EPHA3: variants seen among roughly 807,000 people sequenced by gnomAD.
The protein encoded by EPHA3 is EPH receptor A3.
EPHA3 carries 42 observed loss-of-function variants against 107.1 expected under a neutral mutation model. The observed-to-expected ratio is 0.39, with a 90% CI of 0.31 to 0.51. The LOEUF is 0.51. Ranked by LOEUF, EPHA3 falls within the 20% of genes least tolerant of loss-of-function variation. The probability of loss-of-function intolerance (pLI) is 0.78; values close to 1 mark genes in which losing one functional copy is unlikely to be tolerated. For synonymous variants in EPHA3, 461 were observed against 424.8 expected, an observed-to-expected ratio of 1.09 and a Z score of -1.05; for missense variants, 1,183 against 1,211.2, an observed-to-expected ratio of 0.98 and a Z score of 0.35.
At chr3:89,296,479 CT>C (rs1194835786) in intron 3 of EPHA3, among the ~76,000 whole-genome samples, 3 of 152,074 alleles carry the variant, frequency 2.0e-5, no homozygotes, top group Non-Finnish European at 4.4e-5. Context: ...TGAAAGAAAT[CT>C]TTTTTTGAGC....
At chr3:89,204,514 CA>C (rs1428328068) in intron 2 of EPHA3, among the ~76,000 whole-genome samples, 1 of 89,808 alleles carries the variant, frequency 1.1e-5, no homozygotes, top group Non-Finnish European at 3.0e-5. Context: ...ACACCCCAAA[CA>C]AAAAAACAAT....
intron 2 of EPHA3, among the ~76,000 whole-genome samples, chr3:89,168,617 T>C (rs1482505380): frequency 6.6e-6 from 1 of 151,908 alleles, no homozygotes; most frequent in African/African-American, 2.4e-5. Flanking sequence ...TTTAGTATAT[T>C]ATATCAAAAC....
chr3:89,199,532 C>T (rs773735070), intron 2 of EPHA3, among the ~76,000 whole-genome samples: 23 of 152,082 alleles, frequency 1.5e-4, no homozygotes, highest in East Asian at 5.8e-4. Flanking sequence ...ATATCTGTTT[C>T]GAGTCAATGC....
intron 5 of EPHA3, among the ~76,000 whole-genome samples, chr3:89,353,424 T>C (rs1707875802): frequency 6.6e-6 from 1 of 151,452 alleles, no homozygotes; most frequent in South Asian, 2.1e-4. Context: ...CATTTTATGA[T>C]TAATGAAACC....
chr3:89,413,085 A>G, intron 9 of EPHA3, 56 bp from the exon 10 acceptor site: 3 of 1,602,862 alleles, frequency 1.9e-6, no homozygotes, highest in Non-Finnish European at 1.7e-6. Flanking sequence ...AATTTGATCT[A>G]TAATTGTTTG....
chr3:89,398,891 C>T (rs1013065716), intron 6 of EPHA3, among the ~76,000 whole-genome samples: 8 of 151,952 alleles, frequency 5.3e-5, no homozygotes, highest in South Asian at 2.1e-4. Flanking sequence ...GCACTTTGGG[C>T]GGCCGAGGCA....
chr3:89,175,814 A>G (rs1410768762), intron 2 of EPHA3, among the ~76,000 whole-genome samples: 1 of 152,086 alleles, frequency 6.6e-6, no homozygotes, highest in Non-Finnish European at 1.5e-5. Context: ...TGGTACCCTT[A>G]GCATTGAAAA....
chr3:89,305,095 T>C (rs895531522), intron 3 of EPHA3, among the ~76,000 whole-genome samples: 2 of 152,220 alleles, frequency 1.3e-5, no homozygotes, highest in Admixed American at 6.5e-5. Flanking sequence ...GAATATCTCC[T>C]GCATTCGGAA....
intron 3 of EPHA3, among the ~76,000 whole-genome samples, chr3:89,253,862 C>T (rs1705218931): frequency 6.6e-6 from 1 of 151,684 alleles, no homozygotes; most frequent in Admixed American, 6.6e-5. Context: ...TTATGGGAAG[C>T]TCATGATCTT....
chr3:89,399,874 AT>A (rs1051407576), intron 7 of EPHA3: 48 of 1,072,374 alleles, frequency 4.5e-5, no homozygotes, highest in African/African-American at 6.5e-5. Context: ...GAGAATCTTA[AT>A]TTTGTTTTAA....
At chr3:89,310,156 C>T (rs764269970) in intron 3 of EPHA3, among the ~76,000 whole-genome samples, 32 of 152,110 alleles carry the variant, frequency 2.1e-4, no homozygotes, top group Middle Eastern at 3.4e-3. Flanking sequence ...ACCTGTATAG[C>T]CCTTTGAGCA....
intron 3 of EPHA3, among the ~76,000 whole-genome samples, chr3:89,275,119 G>A (rs1705773997): frequency 6.6e-6 from 1 of 152,008 alleles, no homozygotes; most frequent in Non-Finnish European, 1.5e-5. Flanking sequence ...TCAAGGCTGA[G>A]TGATTCCAAA....
chr3:89,359,063 A>G (rs1385319246), intron 5 of EPHA3, among the ~76,000 whole-genome samples: 2 of 151,184 alleles, frequency 1.3e-5, no homozygotes, highest in Non-Finnish European at 1.5e-5. Flanking sequence ...TTGGAATTAA[A>G]TATTCTAGTT....
rs961192215 is a variant in EPHA3 at position 89,450,107 on chromosome 3, C to T, written c.2497-70C>T. The T allele has an allele frequency of 2.2e-5, 29 of 1,295,056 alleles. No individual in the cohort carries two copies. The African/African-American group carries it at 4.0e-4, about 18-fold the overall frequency. The allele number at this position is 1,295,056 out of a possible 1,614,324, so 80.2% of individuals were successfully genotyped here. A position where few individuals can be genotyped will look rare whatever the true frequency, so the allele number is the denominator to read the frequency against. On this transcript the variant is annotated intron_variant, in intron 14 of 16. Transcript: ENST00000336596. ...AATAAGCATATTTGTGAGCCCCGCC[C>T]ATGAAAACGTAAACTAAGTGACACT...
intron 2 of EPHA3, among the ~76,000 whole-genome samples, chr3:89,144,077 T>C (rs1372250371): frequency 1.3e-5 from 2 of 151,680 alleles, no homozygotes; most frequent in African/African-American, 4.8e-5. Flanking sequence ...TATTGATACA[T>C]TATTTTAACT....
At chr3:89,216,312 G>A (rs1440543745) in intron 3 of EPHA3, among the ~76,000 whole-genome samples, 1 of 151,880 alleles carries the variant, frequency 6.6e-6, no homozygotes, top group Non-Finnish European at 1.5e-5. Flanking sequence ...TCTGTCCAAA[G>A]GAAGATAGAA....
chr3:89,289,867 C>T (rs1559634135), intron 3 of EPHA3, among the ~76,000 whole-genome samples: 1 of 152,018 alleles, frequency 6.6e-6, no homozygotes, highest in African/African-American at 2.4e-5. Context: ...AAGTGGATCC[C>T]TTTATACTGC....
chr3:89,343,687 T>G (rs1271646937), intron 5 of EPHA3, among the ~76,000 whole-genome samples: 3 of 152,216 alleles, frequency 2.0e-5, no homozygotes, highest in Non-Finnish European at 2.9e-5. Context: ...TCTCATATAT[T>G]GATGAAAATC....
At chr3:89,323,642 G>A (rs555042524) in intron 3 of EPHA3, among the ~76,000 whole-genome samples, 25 of 152,012 alleles carry the variant, frequency 1.6e-4, no homozygotes, top group African/African-American at 5.5e-4. Flanking sequence ...TTCTATTTTT[G>A]AAGACAAGTA....
Sources: allele counts gnomAD v4.1 joint callset (sites outside exome capture counted in the v4.1 genomes callset), GRCh38; gene constraint gnomAD v4.1.1; transcripts MANE v1.5; gene names NCBI Gene and HGNC (gene_info 2026-07-23, HGNC 2026-07-21).